FGF13: variants seen among roughly 807,000 people sequenced by gnomAD.
FGF13 encodes the protein fibroblast growth factor homologous factor 2.
A neutral mutation model predicts 19.5 loss-of-function variants in FGF13; 2 were observed. The ratio of observed to expected loss-of-function variants is 0.10; its 90% CI spans 0.04 to 0.32. FGF13 has a LOEUF of 0.32. Among genes scored for constraint, FGF13 ranks in the 10% least tolerant of loss-of-function variants. The pLI, the probability that FGF13 is intolerant of heterozygous loss-of-function variation, is 1.00. For missense variants in FGF13, 113 were observed against 192.7 expected (o/e 0.59, Z 2.45); for synonymous variants, 72 against 76.9 (o/e 0.94, Z 0.33).
rs927310536 is a variant in FGF13 at position 138,630,106 on chromosome X, T to G, written c.*2744A>C. The G allele has an allele frequency of 3.3e-4, 37 of 110,788 alleles. No homozygotes were observed. The highest frequency in any genetic ancestry group is 1.2e-3 in the African/African-American group (36 of 30,421). 9.1% of individuals were successfully genotyped at this position (110,788 alleles called of 1,213,427 possible). A position where few individuals can be genotyped will look rare whatever the true frequency, so the allele number is the denominator to read the frequency against. Reference sequence around the variant, plus strand: ...ATCACTTGTAGGAAGGTTTGAGGACTATTTATTTACTTATTAATTTATTTT... The same window carrying G: ...ATCACTTGTAGGAAGGTTTGAGGACGATTTATTTACTTATTAATTTATTTT... On this transcript the variant is annotated 3_prime_UTR_variant, in exon 5 of 5. Transcript: ENST00000315930.
chrX:138,742,059 T>A, upstream of FGF13, among the ~76,000 whole-genome samples: 1 of 111,801 alleles, frequency 8.9e-6, no homozygotes, highest in South Asian at 3.8e-4. Flanking sequence ...TAGAACCTTC[T>A]CTAGAAAGAA....
chrX:139,174,171 CAT>C (rs2084158804), intron 1 of FGF13, among the ~76,000 whole-genome samples: 1 of 112,609 alleles, frequency 8.9e-6, no homozygotes, highest in Non-Finnish European at 1.9e-5. Flanking sequence ...AACTTTCTTT[CAT>C]ATGTTTGTTG....
intron 1 of FGF13, among the ~76,000 whole-genome samples, chrX:139,085,329 G>A (rs914923086): frequency 1.1e-4 from 12 of 111,894 alleles, no homozygotes; most frequent in African/African-American, 3.9e-4. Flanking sequence ...ATGTCTCTGA[G>A]CCTCCTGACT....
chrX:139,185,284 CATA>C (rs747844571), intron 1 of FGF13, among the ~76,000 whole-genome samples: 27 of 112,271 alleles, frequency 2.4e-4, no homozygotes, highest in Non-Finnish European at 4.3e-4. Flanking sequence ...TATACTTGAG[CATA>C]ATAAGTGTCT....
intron 3 of FGF13, among the ~76,000 whole-genome samples, chrX:138,797,180 T>C (rs1240903774): frequency 8.9e-6 from 1 of 112,088 alleles, no homozygotes; most frequent in East Asian, 2.8e-4. Flanking sequence ...AGGGTTTTTA[T>C]GGTATTACGT....
chrX:138,984,590 G>A (rs2091982758), intron 1 of FGF13, among the ~76,000 whole-genome samples: 1 of 32,961 alleles, frequency 3.0e-5, no homozygotes. Context: ...AGAAGAAGAA[G>A]GAGGAGGAGG....
intron 1 of FGF13, among the ~76,000 whole-genome samples, chrX:138,953,893 A>C (rs192632011): frequency 9.0e-6 from 1 of 111,193 alleles, no homozygotes; most frequent in Non-Finnish European, 1.9e-5. Flanking sequence ...TGGTAAAAAA[A>C]AAATAAATAA....
intron 3 of FGF13, among the ~76,000 whole-genome samples, chrX:138,786,070 C>T (rs767972144): frequency 8.9e-5 from 10 of 112,103 alleles, no homozygotes; most frequent in Non-Finnish European, 1.9e-4. Context: ...ATCCACTATA[C>T]CCATTTGTTC....
At chrX:139,055,501 T>G (rs1430991488) in intron 1 of FGF13, among the ~76,000 whole-genome samples, 1 of 112,590 alleles carries the variant, frequency 8.9e-6, no homozygotes, top group Non-Finnish European at 1.9e-5. Flanking sequence ...GAGAGTTTGC[T>G]CAACTTTAAT....
chrX:138,893,283 G>T (rs1264616403), intron 1 of FGF13, among the ~76,000 whole-genome samples: 1 of 111,271 alleles, frequency 9.0e-6, no homozygotes, highest in Non-Finnish European at 1.9e-5. Flanking sequence ...CTCCATTTTG[G>T]CCATTTGCCT....
At chrX:138,871,344 T>C (rs1407677811) in intron 1 of FGF13, among the ~76,000 whole-genome samples, 4 of 111,683 alleles carry the variant, frequency 3.6e-5, no homozygotes, top group Non-Finnish European at 5.6e-5. Flanking sequence ...CCAGGCACTA[T>C]TCAAAGCATA....
At chrX:138,792,951 A>G (rs1025532064) in intron 3 of FGF13, among the ~76,000 whole-genome samples, 2 of 111,683 alleles carry the variant, frequency 1.8e-5, no homozygotes. Flanking sequence ...GAACTTTGAG[A>G]TAAGATTATA....
chrX:138,873,889 A>G (rs186952472), intron 1 of FGF13, among the ~76,000 whole-genome samples: 341 of 108,267 alleles, frequency 3.1e-3, no homozygotes, highest in African/African-American at 0.011. Flanking sequence ...CATTCTCAGC[A>G]AACTATGGCA....
intron 1 of FGF13, among the ~76,000 whole-genome samples, chrX:139,083,462 G>C (rs757036594): frequency 1.5e-4 from 17 of 112,156 alleles, no homozygotes; most frequent in Non-Finnish European, 2.8e-4. Context: ...GTCAAGCAAA[G>C]CTTGATTTAA....
intron 1 of FGF13, among the ~76,000 whole-genome samples, chrX:138,921,761 A>G (rs1335176744): frequency 1.8e-5 from 2 of 110,856 alleles, no homozygotes; most frequent in African/African-American, 3.3e-5. Context: ...CTAACCTTGT[A>G]ATTCTACTTG....
Position 139,088,588 on chromosome X carries a change from T to C in FGF13, c.-113+114828A>G, listed in dbSNP as rs187327675. 1.0e-4 allele frequency among the ~76,000 whole-genome samples: 11 copies of C among 110,475 alleles called. No individual in the cohort carries two copies. In the East Asian group the frequency reaches 2.3e-3, roughly 23 times the overall value. On this transcript the variant is annotated intron_variant, in intron 1 of 2. Transcript: ENST00000421460. ...AACAAATGATCATTGACACTAAATTTGGCCACTATACATAGATAGATGTAG... is the reference window on the plus strand; with the variant it reads ...AACAAATGATCATTGACACTAAATTCGGCCACTATACATAGATAGATGTAG...
intron 3 of FGF13, among the ~76,000 whole-genome samples, chrX:138,754,650 C>T (rs999037861): frequency 9.0e-6 from 1 of 111,476 alleles, no homozygotes; most frequent in Non-Finnish European, 1.9e-5. Flanking sequence ...TACACTGATA[C>T]AAAACTTGCT....
chrX:138,789,348 T>TC lies in FGF13; in HGVS notation c.217+68163_217+68164insG, dbSNP rs1347666264. Among the ~76,000 whole-genome samples, 164 of 106,680 alleles carry TC rather than the reference T, an allele frequency of 1.5e-3. 1 individual carries two copies. In the South Asian group the frequency reaches 0.022, roughly 15 times the overall value. The allele number at this position is 106,680 out of a possible 115,157, so 92.6% of individuals were successfully genotyped here. On this transcript the variant is annotated intron_variant, in intron 3 of 6. Transcript: ENST00000436198. Reference sequence around the variant, plus strand: ...TACCCTCAGCTAATTTCCGTATTTTTTTTTTTTTTTTTTAGTAGAGATGGG... The same window carrying TC: ...TACCCTCAGCTAATTTCCGTATTTTTCTTTTTTTTTTTTTAGTAGAGATGGG...
chrX:138,657,588 A>G (rs2089450331), intron 3 of FGF13, among the ~76,000 whole-genome samples: 1 of 112,081 alleles, frequency 8.9e-6, no homozygotes, highest in Non-Finnish European at 1.9e-5. Context: ...TGATGACGGA[A>G]CTACATTGCC....
Sources: allele counts gnomAD v4.1 joint callset (sites outside exome capture counted in the v4.1 genomes callset), GRCh38; gene constraint gnomAD v4.1.1; transcripts MANE v1.5; gene names NCBI Gene and HGNC (gene_info 2026-07-23, HGNC 2026-07-21).